The following B4GALT5 variants were observed in gnomAD, a reference collection of about 807,000 sequenced individuals.
The protein encoded by B4GALT5 is UDP-Gal:beta-GlcNAc beta-1,4-galactosyltransferase 5.
Under a neutral mutation model 45.0 loss-of-function variants are expected in B4GALT5, and 11 were observed. The ratio of observed to expected loss-of-function variants is 0.24; its 90% CI spans 0.15 to 0.40. The LOEUF (loss-of-function observed/expected upper bound fraction) is 0.40, where lower values mean the gene tolerates loss of function less well. Ranked by LOEUF, B4GALT5 falls within the 10% of genes least tolerant of loss-of-function variation. The pLI, the probability that B4GALT5 is intolerant of heterozygous loss-of-function variation, is 1.00. For synonymous variants in B4GALT5, 185 were observed against 182.9 expected (o/e 1.01, Z -0.09); for missense variants, 337 against 500.2 (o/e 0.67, Z 3.11).
intron 1 of B4GALT5, among the ~76,000 whole-genome samples, chr20:49,706,126 C>A (rs1439231628): frequency 6.7e-6 from 1 of 148,774 alleles, no homozygotes; most frequent in Non-Finnish European, 1.5e-5. Context: ...ACCCAGGAGG[C>A]GGAGGTTGCA....
Position 49,704,527 on chromosome 20 carries a change from G to A in B4GALT5, c.115+9049C>T, listed in dbSNP as rs574063281. 2.2e-3 allele frequency among the ~76,000 whole-genome samples: 327 copies of A among 151,698 alleles called. 1 individual carries two copies. Among genetic ancestry groups the A allele is most frequent in the African/African-American group, 7.4e-3 (304 of 41,352 alleles). On this transcript the variant is annotated intron_variant, in intron 1 of 8. Coordinates refer to ENST00000371711, the MANE Select transcript of B4GALT5 (RefSeq NM_004776.4). ...GAGGTCAGGAGATCGAGACCATCCC[G>A]GCTAAAACGGTGAAACCCCGTCTCT...
chr20:49,665,829 G>T (rs2085688045), intron 1 of B4GALT5, among the ~76,000 whole-genome samples: 1 of 151,216 alleles, frequency 6.6e-6, no homozygotes, highest in Non-Finnish European at 1.5e-5. Context: ...AGCAGGAGAG[G>T]GAGCAGCATA....
chr20:49,681,057 C>A (rs2085761954), intron 1 of B4GALT5, among the ~76,000 whole-genome samples: 1 of 151,410 alleles, frequency 6.6e-6, no homozygotes, highest in Non-Finnish European at 1.5e-5. Flanking sequence ...CTTATTTCTA[C>A]CAAAAACAAT....
At chr20:49,677,731 A>C (rs752573570) in intron 1 of B4GALT5, among the ~76,000 whole-genome samples, 14 of 152,042 alleles carry the variant, frequency 9.2e-5, no homozygotes, top group Non-Finnish European at 1.6e-4. Context: ...GAGGTGAAAT[A>C]TCTTTGATTG....
intron 4 of B4GALT5, 74 bp downstream of exon 4, chr20:49,643,452 T>C: frequency 1.3e-6 from 2 of 1,568,936 alleles, no homozygotes; most frequent in Non-Finnish European, 1.7e-6. Context: ...GGTTAGCTAA[T>C]CCCATGGTGA....
At chr20:49,698,610 T>TCA (rs140692048) in intron 1 of B4GALT5, among the ~76,000 whole-genome samples, 4 of 150,878 alleles carry the variant, frequency 2.7e-5, no homozygotes, top group Admixed American at 1.3e-4. Flanking sequence ...ACTCTCGCAT[T>TCA]CACACACACA....
rs1366057157 is a variant in B4GALT5, at chr20:49,663,689, AAATATATAC to A, written c.116-6996_116-6988del. On this transcript the variant is annotated intron_variant, in intron 1 of 8. Transcript: ENST00000371711. ...ATTCATCTCAAGAAAAAAAAAAAAA[AAATATATAC>A]ATATATATATATATATATATATATA... Among the ~76,000 whole-genome samples the A allele has an allele frequency of 4.2e-4, 36 of 86,226 alleles. 5 individuals are homozygous for A. The highest frequency in any genetic ancestry group is 1.7e-3 in the African/African-American group (36 of 21,552). 56.6% of individuals were successfully genotyped at this position (86,226 alleles called of 152,430 possible). A position where few individuals can be genotyped will look rare whatever the true frequency, so the allele number is the denominator to read the frequency against.
chr20:49,645,645 AG>A (rs1179051740), intron 3 of B4GALT5, among the ~76,000 whole-genome samples: 6 of 152,132 alleles, frequency 3.9e-5, no homozygotes, highest in Non-Finnish European at 7.4e-5. Context: ...GCTACTCGGG[AG>A]GCTGAGGCAG....
intron 1 of B4GALT5, among the ~76,000 whole-genome samples, chr20:49,690,131 G>T (rs2038218): frequency 0.26 from 38,441 of 148,066 alleles, 5,949 homozygotes; most frequent in South Asian, 0.47. Flanking sequence ...AATCTCCCAA[G>T]TAGCTGGGAT....
chr20:49,643,365 G>C (rs2085584899), intron 4 of B4GALT5, among the ~76,000 whole-genome samples, 161 bp downstream of exon 4: 1 of 152,194 alleles, frequency 6.6e-6, no homozygotes, highest in Non-Finnish European at 1.5e-5. Flanking sequence ...TACAAAAAGA[G>C]TCCTTGTGGA....
chr20:49,702,584 G>A (rs2085866750), intron 1 of B4GALT5, among the ~76,000 whole-genome samples: 1 of 152,192 alleles, frequency 6.6e-6, no homozygotes, highest in Non-Finnish European at 1.5e-5. Flanking sequence ...GCCGGGCATG[G>A]TGGCTCATGC....
At chr20:49,661,882 A>C (rs1027595196) in intron 1 of B4GALT5, among the ~76,000 whole-genome samples, 11 of 152,332 alleles carry the variant, frequency 7.2e-5, no homozygotes, top group Middle Eastern at 6.8e-3. Context: ...ATCCAGCCTC[A>C]TATCTAGGAG....
intron 1 of B4GALT5, among the ~76,000 whole-genome samples, chr20:49,675,571 C>T (rs542035544): frequency 1.1e-4 from 16 of 152,192 alleles, no homozygotes; most frequent in Non-Finnish European, 1.8e-4. Context: ...GGTACCTCTG[C>T]CCCAGAACCT....
intron 1 of B4GALT5, among the ~76,000 whole-genome samples, chr20:49,696,322 T>C (rs2085839517): frequency 6.6e-6 from 1 of 152,206 alleles, no homozygotes; most frequent in South Asian, 2.1e-4. Context: ...AGACATACTG[T>C]TGTAACATTT....
intron 2 of B4GALT5, among the ~76,000 whole-genome samples, chr20:49,655,498 A>C (rs569187980): frequency 4.2e-4 from 64 of 152,164 alleles, no homozygotes; most frequent in Admixed American, 1.1e-3. Context: ...CGAATCATGA[A>C]TCCTTAGTAA....
intron 5 of B4GALT5, among the ~76,000 whole-genome samples, chr20:49,641,560 C>A (rs955604301): frequency 6.6e-6 from 1 of 152,156 alleles, no homozygotes; most frequent in Non-Finnish European, 1.5e-5. Flanking sequence ...AACTTAGGAC[C>A]GGCAGATAGA....
At position 49,713,548 on chromosome 20, in the gene B4GALT5, C is replaced by G. The variant is rs779118424; in HGVS notation, c.115+28G>C. On this transcript the variant is annotated intron_variant, in intron 1 of 8. Transcript: ENST00000371711. ...GGGTCCCTCAAGGCCAGAGCGGCAG[C>G]CGCCGCGGTCCCAAGCCCCCTTCCT... The G allele has an allele frequency of 5.8e-6, 9 of 1,545,406 alleles. No individual in the cohort carries two copies. In the South Asian group the frequency reaches 1.1e-4, roughly 18 times the overall value.
rs1601243270 is a variant in B4GALT5, at chr20:49,636,150, T to G, written c.*162A>C. On this transcript the variant is annotated 3_prime_UTR_variant, in exon 9 of 9. Transcript: ENST00000371711. The stretch of plus-strand genomic sequence containing the variant: ...TCCAGCGGCTGATCCAGTGAAGGCG[T>G]TTGTGCGTGTGCTGTCACATTTTCC... 1.1e-6 allele frequency: 1 copy of G among 909,916 alleles called. No individual in the cohort carries two copies. The highest frequency in any genetic ancestry group is 1.6e-6 in the Non-Finnish European group (1 of 612,002). 56.4% of individuals were successfully genotyped at this position (909,916 alleles called of 1,614,324 possible).
chr20:49,670,587 T>C (rs2085711608), intron 1 of B4GALT5, among the ~76,000 whole-genome samples: 1 of 152,226 alleles, frequency 6.6e-6, no homozygotes, highest in South Asian at 2.1e-4. Flanking sequence ...TGCAATTCTA[T>C]AGCAAAAAGT....
Sources: allele counts gnomAD v4.1 joint callset (sites outside exome capture counted in the v4.1 genomes callset), GRCh38; gene constraint gnomAD v4.1.1; transcripts MANE v1.5; gene names NCBI Gene and HGNC (gene_info 2026-07-23, HGNC 2026-07-21).